Variants in IMPDH1 observed in about 807,000 individuals in gnomAD.
IMPDH1 encodes inosine-5'-monophosphate dehydrogenase 1.
Under a neutral mutation model 73.5 loss-of-function variants are expected in IMPDH1, and 41 were observed. That is an observed-to-expected ratio of 0.56 (90% CI 0.43 to 0.72). IMPDH1 has a LOEUF of 0.72. Ranked by LOEUF, IMPDH1 falls within the 30% of genes least tolerant of loss-of-function variation. The pLI is 0.00. For missense variants in IMPDH1, 645 were observed against 824.8 expected (o/e 0.78, Z 2.67); for synonymous variants, 318 against 334.3 (o/e 0.95, Z 0.53).
intron 9 of IMPDH1, among the ~76,000 whole-genome samples, chr7:128,399,412 C>A (rs909794933): frequency 5.4e-5 from 8 of 147,136 alleles, no homozygotes; most frequent in Non-Finnish European, 1.0e-4. Context: ...CATGGTGGTT[C>A]ACGCCTGTAA....
chr7:128,396,260 A>C lies in IMPDH1; in HGVS notation c.1261+340T>G, dbSNP rs961493783. ...ATAACATATCTTTATATATTCAGGG[A>C]CATGTCGTCTCTGTGTCTTAAATAT... is the stretch of plus-strand genomic sequence containing the variant. On this transcript the variant is annotated intron_variant, in intron 12 of 16. Coordinates refer to ENST00000338791, the MANE Select transcript of IMPDH1 (RefSeq NM_000883.4). This position sits in a 1 kb window ranked among gnomAD's most constrained non-coding sequence, Gnocchi z 4.0. Among the ~76,000 whole-genome samples the C allele has an allele frequency of 6.6e-6, 1 of 152,204 alleles. No homozygotes were observed. Among genetic ancestry groups the C allele is most frequent in the Non-Finnish European group, 1.5e-5 (1 of 68,036 alleles).
At chr7:128,408,859 G>A (rs768145865) in intron 3 of IMPDH1, among the ~76,000 whole-genome samples, 1 of 152,138 alleles carries the variant, frequency 6.6e-6, no homozygotes, top group Non-Finnish European at 1.5e-5. Context: ...CAGGACAGGG[G>A]GGCCTAACTC....
In IMPDH1 at chr7:128,395,757, T is replaced by A. The variant is rs1358453209; in HGVS notation, c.1262-483A>T. On this transcript the variant is annotated intron_variant, in intron 12 of 16. Coordinates refer to ENST00000338791, the MANE Select transcript of IMPDH1 (RefSeq NM_000883.4). The stretch of plus-strand genomic sequence containing the variant: ...GTCTAGGGACGGATGCAAAGCTGGA[T>A]AAACCAGAGATGGCGCCTCTCATTT... 1.1e-4 allele frequency among the ~76,000 whole-genome samples: 16 copies of A among 152,256 alleles called. 1 individual carries two copies. The highest frequency in any genetic ancestry group is 1.0e-3 in the Admixed American group (16 of 15,292).
rs1017143284 is a variant in IMPDH1 at position 128,394,323 on chromosome 7, C to T, written c.1733G>A (p.Arg578Gln). ...ACCCTCAATCTGGGCCGACATGGTC[C>T]GCTTCTCAAACTTGAGCTCTCCTGA... is the stretch of plus-strand genomic sequence containing the variant. ...MYSGELKFEK[R>Q]TMSAQIEGGV... Residue 578 changes from arginine to glutamine, a missense_variant, in exon 16 of 17, where the codon CGG (arginine) becomes CAG (glutamine). Transcript: ENST00000338791. The surrounding 1 kb of genome is among the most constrained non-coding windows in gnomAD (Gnocchi z 5.5). 1.1e-5 allele frequency: 17 copies of T among 1,613,988 alleles called. No individual in the cohort carries two copies. Among genetic ancestry groups the T allele is most frequent in the East Asian group, 4.5e-5 (2 of 44,876 alleles).
rs998807664 is a variant in IMPDH1, at chr7:128,392,702, G to C, written c.*305C>G. 1 of 415,512 alleles carries C rather than the reference G, an allele frequency of 2.4e-6. No individual in the cohort carries two copies. The highest frequency in any genetic ancestry group is 4.4e-6 in the Non-Finnish European group (1 of 226,218). 25.7% of individuals were successfully genotyped at this position (415,512 alleles called of 1,614,324 possible). ...AGGAGGGGCCGCCTGCCCCTGGGGT[G>C]GGGGCCAGGCTGGAGCAGGCTGCAG... is the stretch of plus-strand genomic sequence containing the variant. On this transcript the variant is annotated 3_prime_UTR_variant, in exon 17 of 17. Transcript: ENST00000338791.
intron 3 of IMPDH1, among the ~76,000 whole-genome samples, chr7:128,408,851 G>A (rs1798948894): frequency 6.6e-6 from 1 of 152,184 alleles, no homozygotes. Flanking sequence ...CAGCCTGCCA[G>A]GACAGGGGGG....
Position 128,394,339 on chromosome 7 carries a change from G to C in IMPDH1, c.1717C>G (p.Leu573Val). The change falls in exon 16 of 17, where the codon CTC becomes GTC. Residue 573 changes from leucine (L) to valine (V), a missense_variant. Leu to Val is a conservative substitution (Grantham distance 32). Coordinates refer to ENST00000338791, the MANE Select transcript of IMPDH1 (RefSeq NM_000883.4). This position sits in a 1 kb window ranked among gnomAD's most constrained non-coding sequence, Gnocchi z 5.5. Reference sequence around the variant, plus strand: ...GACATGGTCCGCTTCTCAAACTTGAGCTCTCCTGAGTACATCATGGACCTA... The same window carrying C: ...GACATGGTCCGCTTCTCAAACTTGACCTCTCCTGAGTACATCATGGACCTA... ...VLRSMMYSGELKFEKRTMSAQ... is the reference protein window; with the variant it reads ...VLRSMMYSGEVKFEKRTMSAQ... 6.2e-7 allele frequency: 1 copy of C among 1,614,076 alleles called. No individual in the cohort carries two copies. The highest frequency in any genetic ancestry group is 8.5e-7 in the Non-Finnish European group (1 of 1,179,974).
chr7:128,396,478 G>T lies in IMPDH1; in HGVS notation c.1261+122C>A. On this transcript the variant is annotated intron_variant, in intron 12 of 16. Transcript: ENST00000338791. This position sits in a 1 kb window ranked among gnomAD's most constrained non-coding sequence, Gnocchi z 4.0. ...GCCCGATGGGGTGGGGCCCATGCCT[G>T]GGTCACCCCGGAGCCTACCATGGCA... is the stretch of plus-strand genomic sequence containing the variant. The T allele has an allele frequency of 1.2e-6, 1 of 828,048 alleles. No homozygotes were observed. Among genetic ancestry groups the T allele is most frequent in the South Asian group, 1.4e-5 (1 of 69,438 alleles). The allele number at this position is 828,048 out of a possible 1,614,324, so 51.3% of individuals were successfully genotyped here.
Position 128,396,524 on chromosome 7 carries a change from A to C in IMPDH1, c.1261+76T>G, listed in dbSNP as rs1024237450. ...TGGCAGAACAGGGCCTGGCAGAGAGAGTACTTGATATACATCTGGGGAACA... is the reference window on the plus strand; with the variant it reads ...TGGCAGAACAGGGCCTGGCAGAGAGCGTACTTGATATACATCTGGGGAACA... On this transcript the variant is annotated intron_variant, in intron 12 of 16. Coordinates refer to ENST00000338791, the MANE Select transcript of IMPDH1 (RefSeq NM_000883.4). This position sits in a 1 kb window ranked among gnomAD's most constrained non-coding sequence, Gnocchi z 4.0. 8 of 1,115,284 alleles carry C rather than the reference A, an allele frequency of 7.2e-6. No individual in the cohort carries two copies. The African/African-American group carries it at 1.2e-4, about 17-fold the overall frequency. The allele number at this position is 1,115,284 out of a possible 1,614,324, so 69.1% of individuals were successfully genotyped here. A position where few individuals can be genotyped will look rare whatever the true frequency, so the allele number is the denominator to read the frequency against.
chr7:128,400,211 G>C, intron 8 of IMPDH1, 29 bp from the exon 9 acceptor site: 1 of 1,613,336 alleles, frequency 6.2e-7, no homozygotes, highest in Non-Finnish European at 8.5e-7. Context: ...TTGCCTGCAG[G>C]TTGGCAGGTG....
intron 4 of IMPDH1, among the ~76,000 whole-genome samples, chr7:128,405,425 G>C (rs1000250501): frequency 6.6e-6 from 1 of 152,204 alleles, no homozygotes; most frequent in Admixed American, 6.5e-5. Flanking sequence ...AGGCTGGGAG[G>C]GGGCGTCCTG....
In IMPDH1 at chr7:128,398,491, C is replaced by A. The variant is rs1562989816; in HGVS notation, c.997G>T (p.Ala333Ser). 6.2e-7 allele frequency: 1 copy of A among 1,613,710 alleles called. No homozygotes were observed. The highest frequency in any genetic ancestry group is 1.1e-5 in the South Asian group (1 of 91,066). ...KDSQKQLLCG[A>S]AVGTREDDKY... ...TCATCCTCACGGGTGCCCACAGCTG[C>A]CCCACAGAGCAGCTGCTTCTGGGAA... Residue 333 changes from alanine to serine, a missense_variant, in exon 10 of 17, where the codon GCA (alanine) becomes TCA (serine). Physicochemically the swap from Ala to Ser is moderately conservative, Grantham distance 99. Transcript: ENST00000338791. This position sits in a 1 kb window ranked among gnomAD's most constrained non-coding sequence, Gnocchi z 4.3.
chr7:128,409,725 T>A, intron 1 of IMPDH1, 31 bp downstream of exon 1: 1 of 1,525,590 alleles, frequency 6.6e-7, no homozygotes, highest in Middle Eastern at 2.3e-4. Flanking sequence ...CCGCCCCGGA[T>A]GCGCCCCGCG....
At position 128,398,134 on chromosome 7, in the gene IMPDH1, T is replaced by C. The variant is rs1212982766; in HGVS notation, c.1074+280A>G. 6.6e-6 allele frequency among the ~76,000 whole-genome samples: 1 copy of C among 152,232 alleles called. No homozygotes were observed. The highest frequency in any genetic ancestry group is 1.5e-5 in the Non-Finnish European group (1 of 68,040). ...TTGTTTTCTTTCTTTGTATCTCAGA[T>C]GACACAAACCATTGTTTGTTTTTTG... is the stretch of plus-strand genomic sequence containing the variant. On this transcript the variant is annotated intron_variant, in intron 10 of 16. Transcript: ENST00000338791. This position sits in a 1 kb window ranked among gnomAD's most constrained non-coding sequence, Gnocchi z 4.3.
chr7:128,395,011 G>A lies in IMPDH1; in HGVS notation c.1428C>T (p.Ala476=), dbSNP rs199527034. Residue 476 remains alanine, a synonymous_variant, in exon 14 of 17, where the codon GCC becomes GCT. Transcript: ENST00000338791. ...ASTVMMGSLL[A]ATTEAPGEYF... is the part of the protein sequence containing the mutation. ...ACTCGCCAGGGGCCTCCGTAGTGGC[G>A]GCCAGCAGGGAGCCCATCATCACTA... 1.7e-5 allele frequency: 28 copies of A among 1,614,004 alleles called. No individual in the cohort carries two copies. Among genetic ancestry groups the A allele is most frequent in the South Asian group, 2.2e-5 (2 of 91,088 alleles).
chr7:128,394,816 G>A lies in IMPDH1; in HGVS notation c.1550+73C>T, dbSNP rs1797795550. 6.4e-7 allele frequency: 1 copy of A among 1,566,282 alleles called. No homozygotes were observed. Among genetic ancestry groups the A allele is most frequent in the Non-Finnish European group, 8.8e-7 (1 of 1,142,738 alleles). On this transcript the variant is annotated intron_variant, in intron 14 of 16. Transcript: ENST00000338791. The surrounding 1 kb of genome is among the most constrained non-coding windows in gnomAD (Gnocchi z 5.5). ...ATATGGGGACTGGCTGCCATCTGGGGAAGTCGGTGGCATGAGCGGGCCCTG... is the reference window on the plus strand; with the variant it reads ...ATATGGGGACTGGCTGCCATCTGGGAAAGTCGGTGGCATGAGCGGGCCCTG...
chr7:128,394,435 A>AC lies in IMPDH1; in HGVS notation c.1694+20dup, dbSNP rs748320041. ...GAGCGAGAGAAAGGAAGCAGGAGCCACCCCCAGTCTCAGCACTCACCGAAG... is the reference window on the plus strand; with the variant it reads ...GAGCGAGAGAAAGGAAGCAGGAGCCACCCCCCAGTCTCAGCACTCACCGAAG... On this transcript the variant is annotated intron_variant, in intron 15 of 16. Transcript: ENST00000338791. This position sits in a 1 kb window ranked among gnomAD's most constrained non-coding sequence, Gnocchi z 5.5. 7 of 1,613,582 alleles carry AC rather than the reference A, an allele frequency of 4.3e-6. No homozygotes were observed. Among genetic ancestry groups the AC allele is most frequent in the Non-Finnish European group, 5.1e-6 (6 of 1,179,898 alleles).
In IMPDH1 at chr7:128,396,923, C is replaced by T. The variant is rs369316633; in HGVS notation, c.1165+9G>A. 2.0e-5 allele frequency: 32 copies of T among 1,606,550 alleles called. No individual in the cohort carries two copies. Among genetic ancestry groups the T allele is most frequent in the Non-Finnish European group, 2.4e-5 (28 of 1,173,786 alleles). ...GGAGCAGGCGGGTGGGAGGCGACCC[C>T]GCACTCACCGTTCCCCCCAATCACC... On this transcript the variant is annotated intron_variant, in intron 11 of 16. Coordinates refer to ENST00000338791, the MANE Select transcript of IMPDH1 (RefSeq NM_000883.4). This position sits in a 1 kb window ranked among gnomAD's most constrained non-coding sequence, Gnocchi z 4.0.
At chr7:128,393,478 G>A (rs941342636) in intron 16 of IMPDH1, among the ~76,000 whole-genome samples, 2 of 148,476 alleles carry the variant, frequency 1.3e-5, no homozygotes, top group African/African-American at 2.4e-5. Flanking sequence ...CTGAGGTCAC[G>A]GGCATCTCTC....
Sources: allele counts gnomAD v4.1 joint callset (sites outside exome capture counted in the v4.1 genomes callset), GRCh38; gene constraint gnomAD v4.1.1; non-coding constraint Gnocchi (gnomAD v3.1); transcripts MANE v1.5; gene names NCBI Gene and HGNC (gene_info 2026-07-23, HGNC 2026-07-21).